NRXN1: variants seen among roughly 807,000 people sequenced by gnomAD.
The protein encoded by NRXN1 is neurexin-1.
In NRXN1, 39 loss-of-function variants were observed where a neutral mutation model predicts 150.9. The ratio of observed to expected loss-of-function variants is 0.26; its 90% CI spans 0.20 to 0.34. The LOEUF (loss-of-function observed/expected upper bound fraction) is 0.34, where lower values mean the gene tolerates loss of function less well. Ranked by LOEUF, NRXN1 falls within the 10% of genes least tolerant of loss-of-function variation. The pLI, the probability that NRXN1 is intolerant of heterozygous loss-of-function variation, is 1.00. For synonymous variants in NRXN1, 924 were observed against 757.0 expected (o/e 1.22, Z -3.62); for missense variants, 1,815 against 1,949.9 (o/e 0.93, Z 1.30).
chr2:50,354,975 T>C (rs2078690584), intron 17 of NRXN1, among the ~76,000 whole-genome samples: 1 of 152,000 alleles, frequency 6.6e-6, no homozygotes, highest in African/African-American at 2.4e-5. Context: ...TAGGGTAATA[T>C]TAAGACTAAA....
intron 21 of NRXN1, among the ~76,000 whole-genome samples, chr2:50,007,591 C>G (rs958481744): frequency 4.6e-5 from 7 of 152,026 alleles, no homozygotes; most frequent in Non-Finnish European, 1.0e-4. Flanking sequence ...ATAGTATTCC[C>G]TAGTGTATAT....
intron 5 of NRXN1, among the ~76,000 whole-genome samples, chr2:50,768,808 CA>C (rs1490609256): frequency 6.6e-6 from 1 of 151,848 alleles, no homozygotes; most frequent in Non-Finnish European, 1.5e-5. Flanking sequence ...ACAACTCCCT[CA>C]ACCTCACACT....
chr2:50,262,077 T>A (rs1712897), intron 17 of NRXN1, among the ~76,000 whole-genome samples: 62,520 of 151,670 alleles, frequency 0.41, 13,093 homozygotes, highest in Middle Eastern at 0.46. Context: ...AGTAGAAAGT[T>A]AAATTTATCA....
At chr2:50,482,615 G>C (rs1256250354) in intron 15 of NRXN1, among the ~76,000 whole-genome samples, 2 of 152,244 alleles carry the variant, frequency 1.3e-5, no homozygotes, top group Non-Finnish European at 1.5e-5. Flanking sequence ...CAGTTTGAAA[G>C]GTGCTTTTTT....
At chr2:50,331,022 G>A (rs923464305) in intron 17 of NRXN1, among the ~76,000 whole-genome samples, 2 of 152,028 alleles carry the variant, frequency 1.3e-5, no homozygotes, top group Non-Finnish European at 2.9e-5. Flanking sequence ...CAAAAAGAAT[G>A]CAAAATTATA....
At chr2:50,131,176 A>T (rs1175189088) in intron 18 of NRXN1, among the ~76,000 whole-genome samples, 3 of 152,298 alleles carry the variant, frequency 2.0e-5, no homozygotes, top group Admixed American at 2.0e-4. Flanking sequence ...TTGGGTTGAA[A>T]GCTGTAAACA....
At chr2:50,767,413 T>C (rs537681068) in intron 5 of NRXN1, among the ~76,000 whole-genome samples, 3 of 152,158 alleles carry the variant, frequency 2.0e-5, no homozygotes, top group Admixed American at 2.0e-4. Context: ...AAATGCCCAG[T>C]ATTTTGTGTG....
chr2:50,184,087 G>T (rs530208271), intron 18 of NRXN1, among the ~76,000 whole-genome samples: 2 of 152,012 alleles, frequency 1.3e-5, no homozygotes, highest in East Asian at 3.9e-4. Flanking sequence ...GTTTCTTTAG[G>T]TAGTAATTGT....
intron 2 of NRXN1, among the ~76,000 whole-genome samples, chr2:50,940,121 A>G (rs2104475466): frequency 6.6e-6 from 1 of 152,256 alleles, no homozygotes; most frequent in Non-Finnish European, 1.5e-5. Flanking sequence ...GGCTAAACTT[A>G]AGTTTTTCAA....
Position 50,347,351 on chromosome 2 carries a change from C to A in NRXN1, c.3365-110381G>T, listed in dbSNP as rs1459386768. On this transcript the variant is annotated intron_variant, in intron 17 of 22. Coordinates refer to ENST00000401669, the MANE Select transcript of NRXN1 (RefSeq NM_001330078.2). This position sits in a 1 kb window ranked among gnomAD's most constrained non-coding sequence, Gnocchi z 4.9. Reference sequence around the variant, plus strand: ...TTGTTTAAAGCTCCTCCTGGAAGGTCCTCACTTCTACATGACAGACATCCA... The same window carrying A: ...TTGTTTAAAGCTCCTCCTGGAAGGTACTCACTTCTACATGACAGACATCCA... 8 of 1,226,330 alleles carry A rather than the reference C, an allele frequency of 6.5e-6. No homozygotes were observed. Among genetic ancestry groups the A allele is most frequent in the Non-Finnish European group, 2.1e-6 (2 of 959,678 alleles). The allele number at this position is 1,226,330 out of a possible 1,614,324, so 76.0% of individuals were successfully genotyped here. A position where few individuals can be genotyped will look rare whatever the true frequency, so the allele number is the denominator to read the frequency against.
chr2:50,205,969 T>C (rs924090222), intron 18 of NRXN1, among the ~76,000 whole-genome samples: 2 of 152,084 alleles, frequency 1.3e-5, no homozygotes, highest in Admixed American at 1.3e-4. Flanking sequence ...AGGGATGTCT[T>C]TCAGGGGGTT....
At chr2:50,376,101 G>T (rs10176054) in intron 17 of NRXN1, among the ~76,000 whole-genome samples, 15,718 of 151,130 alleles carry the variant, frequency 0.1, 1,122 homozygotes, top group East Asian at 0.23. Context: ...GGAGAGTAAA[G>T]GAAATGGTGA....
intron 5 of NRXN1, among the ~76,000 whole-genome samples, chr2:50,881,319 G>C (rs1449368796): frequency 2.6e-5 from 4 of 151,780 alleles, no homozygotes; most frequent in Non-Finnish European, 5.9e-5. Flanking sequence ...AATGTACTTT[G>C]TTGCAATATA....
intron 5 of NRXN1, among the ~76,000 whole-genome samples, chr2:50,713,584 C>T (rs1695479820): frequency 6.6e-6 from 1 of 152,030 alleles, no homozygotes; most frequent in South Asian, 2.1e-4. Flanking sequence ...TCATCCTACG[C>T]CTTTCAAATA....
chr2:49,962,358 A>T (rs1241157311), intron 21 of NRXN1, among the ~76,000 whole-genome samples: 1 of 152,132 alleles, frequency 6.6e-6, no homozygotes, highest in East Asian at 1.9e-4. Flanking sequence ...AGAAATTTGG[A>T]TTTTTTTAAA....
At chr2:50,354,539 C>G (rs1234085032) in intron 17 of NRXN1, among the ~76,000 whole-genome samples, 1 of 105,176 alleles carries the variant, frequency 9.5e-6, no homozygotes, top group Admixed American at 1.1e-4. Flanking sequence ...ACTACCTTAG[C>G]GTCTAGAGTG....
intron 18 of NRXN1, among the ~76,000 whole-genome samples, chr2:50,106,031 T>G (rs1701592983): frequency 6.6e-6 from 1 of 151,990 alleles, no homozygotes; most frequent in South Asian, 2.1e-4. Flanking sequence ...ATTAGAAATG[T>G]TAATGTTAAT....
At chr2:49,953,866 G>A (rs1043567077) in intron 21 of NRXN1, among the ~76,000 whole-genome samples, 2 of 151,886 alleles carry the variant, frequency 1.3e-5, no homozygotes, top group African/African-American at 4.8e-5. Flanking sequence ...GGGTGTGGGG[G>A]ACAAGGGGAG....
intron 13 of NRXN1, among the ~76,000 whole-genome samples, chr2:50,502,847 T>C (rs1315572390): frequency 6.6e-6 from 1 of 152,192 alleles, no homozygotes; most frequent in Non-Finnish European, 1.5e-5. Context: ...TTCTTATCTC[T>C]GTCTGCTGAA....
Sources: allele counts gnomAD v4.1 joint callset (sites outside exome capture counted in the v4.1 genomes callset), GRCh38; gene constraint gnomAD v4.1.1; non-coding constraint Gnocchi (gnomAD v3.1); transcripts MANE v1.5; gene names NCBI Gene and HGNC (gene_info 2026-07-23, HGNC 2026-07-21).